PDZD2: variants seen among roughly 807,000 people sequenced by gnomAD.
The protein encoded by PDZD2 is PDZ domain-containing protein 2.
PDZD2 carries 90 observed loss-of-function variants against 220.7 expected under a neutral mutation model. The observed-to-expected ratio is 0.41, with a 90% CI of 0.34 to 0.49. PDZD2 has a LOEUF of 0.49. Among genes scored for constraint, PDZD2 ranks in the 20% least tolerant of loss-of-function variants. PDZD2 has a pLI of 0.28. For synonymous variants in PDZD2, 1,375 were observed against 1,450.5 expected, an observed-to-expected ratio of 0.95 and a Z score of 1.18; for missense variants, 3,174 against 3,608.5, an observed-to-expected ratio of 0.88 and a Z score of 3.08.
chr5:31,934,194 T>TC (rs1174647858), intron 2 of PDZD2, among the ~76,000 whole-genome samples: 4 of 148,610 alleles, frequency 2.7e-5, no homozygotes, highest in Admixed American at 6.8e-5. Flanking sequence ...TTAATCTTTT[T>TC]CCCTCACTTC....
At chr5:31,890,836 A>G (rs1367219432) in intron 2 of PDZD2, among the ~76,000 whole-genome samples, 1 of 152,182 alleles carries the variant, frequency 6.6e-6, no homozygotes, top group African/African-American at 2.4e-5. Context: ...CCGCCTTTGC[A>G]TGGCCCTGTC....
At chr5:31,869,234 CGGG>C (rs1738516989) in intron 2 of PDZD2, among the ~76,000 whole-genome samples, 1 of 152,182 alleles carries the variant, frequency 6.6e-6, no homozygotes, top group Non-Finnish European at 1.5e-5. Context: ...GTCAGCTGTG[CGGG>C]AGGAACCTGT....
chr5:31,996,888 AAAAC>A (rs1465958708), intron 4 of PDZD2, among the ~76,000 whole-genome samples: 3 of 152,178 alleles, frequency 2.0e-5, no homozygotes, highest in East Asian at 3.9e-4. Context: ...CTGTCTCAAA[AAAAC>A]AAACAAAAAC....
intron 1 of PDZD2, among the ~76,000 whole-genome samples, chr5:31,792,392 C>T (rs1373222652): frequency 2.6e-5 from 4 of 152,034 alleles, no homozygotes; most frequent in Admixed American, 1.3e-4. Context: ...TATGTTAGTT[C>T]GCCACTTTGA....
intron 2 of PDZD2, among the ~76,000 whole-genome samples, chr5:31,915,435 C>T (rs1195253679): frequency 6.6e-6 from 1 of 152,128 alleles, no homozygotes; most frequent in African/African-American, 2.4e-5. Context: ...GCTACTTGTC[C>T]TCTGGGCTCT....
At chr5:31,953,925 AG>A (rs1183713197) in intron 2 of PDZD2, among the ~76,000 whole-genome samples, 3 of 152,138 alleles carry the variant, frequency 2.0e-5, no homozygotes, top group Non-Finnish European at 2.9e-5. Flanking sequence ...CTGGGATTAC[AG>A]GTGTGAGCCA....
At chr5:31,775,664 C>CAT (rs1554073325) in intron 1 of PDZD2, among the ~76,000 whole-genome samples, 1 of 135,472 alleles carries the variant, frequency 7.4e-6, no homozygotes, top group African/African-American at 2.8e-5. Flanking sequence ...ACTCACAGAG[C>CAT]GTGTGTGTGT....
chr5:31,680,775 C>T (rs1343805312), intron 1 of PDZD2, among the ~76,000 whole-genome samples: 3 of 152,124 alleles, frequency 2.0e-5, no homozygotes, highest in Non-Finnish European at 4.4e-5. Context: ...AATCCCTGAC[C>T]GGGCGCCAGG....
chr5:31,719,742 A>AT (rs933373121), intron 1 of PDZD2, among the ~76,000 whole-genome samples: 18 of 151,140 alleles, frequency 1.2e-4, no homozygotes, highest in East Asian at 5.8e-4. Context: ...TTCTCCATCC[A>AT]TTTTTTTTTC....
intron 2 of PDZD2, among the ~76,000 whole-genome samples, chr5:31,904,563 T>C (rs1292097765): frequency 6.6e-6 from 1 of 152,230 alleles, no homozygotes; most frequent in Non-Finnish European, 1.5e-5. Flanking sequence ...AGTCTCGCTC[T>C]GTCGCGCAGG....
chr5:31,737,108 T>C (rs1437826911), intron 1 of PDZD2, among the ~76,000 whole-genome samples: 1 of 151,626 alleles, frequency 6.6e-6, no homozygotes, highest in Non-Finnish European at 1.5e-5. Context: ...ATATGCCCAC[T>C]TACACCTTAG....
At chr5:31,740,510 G>A (rs1306048305) in intron 1 of PDZD2, among the ~76,000 whole-genome samples, 2 of 103,916 alleles carry the variant, frequency 1.9e-5, no homozygotes, top group Non-Finnish European at 3.7e-5. Flanking sequence ...GGGTGACAGA[G>A]CAAGACTCCG....
In PDZD2 at chr5:32,078,638, T is replaced by TGAAA. The variant is rs1561525673; in HGVS notation, c.3682+1032_3682+1033insGAAA. Among the ~76,000 whole-genome samples the TGAAA allele has an allele frequency of 3.8e-5, 4 of 104,916 alleles. 1 individual carries two copies. The allele number at this position is 104,916 out of a possible 152,430, so 68.8% of individuals were successfully genotyped here. On this transcript the variant is annotated intron_variant, in intron 19 of 24. Coordinates refer to ENST00000438447, the MANE Select transcript of PDZD2 (RefSeq NM_178140.4). ...TACAGTGAAACTGTGTCTCAAAAAT[T>TGAAA]AAAAAAAAAAAAAAAAAAAAAGGAA...
intron 1 of PDZD2, among the ~76,000 whole-genome samples, chr5:31,672,528 C>T (rs1459872251): frequency 6.6e-6 from 1 of 152,250 alleles, no homozygotes; most frequent in African/African-American, 2.4e-5. Flanking sequence ...TCCTGCCCCA[C>T]TTGTCCAGGG....
intron 1 of PDZD2, among the ~76,000 whole-genome samples, chr5:31,666,855 C>A (rs1746007402): frequency 6.6e-6 from 1 of 152,196 alleles, no homozygotes; most frequent in African/African-American, 2.4e-5. Flanking sequence ...CCCTCAGACT[C>A]TCAGCCTGTG....
chr5:31,739,693 C>T (rs1178131196), intron 1 of PDZD2, among the ~76,000 whole-genome samples: 2 of 152,226 alleles, frequency 1.3e-5, no homozygotes, highest in Non-Finnish European at 2.9e-5. Flanking sequence ...GGATATTTAA[C>T]CATGTCACAG....
rs375238159 is a variant in PDZD2, at chr5:31,825,571, G to A, written c.476+25847G>A. Among the ~76,000 whole-genome samples, 5 of 152,154 alleles carry A rather than the reference G, an allele frequency of 3.3e-5. No individual in the cohort carries two copies. In the East Asian group the frequency reaches 7.7e-4, roughly 23 times the overall value. ...ATGTTCTAATACATCCTGGGACACCGGGCTCTGGTGCTGACTCCACATCAA... is the reference window on the plus strand; with the variant it reads ...ATGTTCTAATACATCCTGGGACACCAGGCTCTGGTGCTGACTCCACATCAA... On this transcript the variant is annotated intron_variant, in intron 2 of 24. Transcript: ENST00000438447.
rs1742918100 is a variant in PDZD2 at position 32,089,880 on chromosome 5, A to G, written c.6432A>G (p.Pro2144=). ...TCGCAGAATCATCCACAAGTCATCC[A>G]TCCTCACTCCCATCTCATGCCTCCC... ...RQVAESSTSH[P]SSLPSHASQA... The change falls in exon 20 of 25, where the codon CCA becomes CCG. Residue 2144 remains proline, a synonymous_variant. Coordinates refer to ENST00000438447, the MANE Select transcript of PDZD2 (RefSeq NM_178140.4). The G allele has an allele frequency of 6.2e-7, 1 of 1,613,048 alleles. No individual in the cohort carries two copies. The highest frequency in any genetic ancestry group is 8.5e-7 in the Non-Finnish European group (1 of 1,179,344).
intron 1 of PDZD2, among the ~76,000 whole-genome samples, chr5:31,671,421 G>C (rs1011398010): frequency 2.0e-5 from 3 of 152,192 alleles, no homozygotes; most frequent in South Asian, 2.1e-4. Context: ...AGCTTTGAAG[G>C]CTTCTTTTCC....
Sources: gnomAD v4.1 joint callset for allele counts (sites outside exome capture counted in the v4.1 genomes callset) on GRCh38, gnomAD v4.1.1 for gene constraint, MANE v1.5 for transcripts, NCBI Gene and HGNC (gene_info 2026-07-23, HGNC 2026-07-21) for gene names.